The following MAGED2 variants were observed in gnomAD, a reference collection of about 807,000 sequenced individuals.
MAGED2 encodes MAGE family member D2.
A neutral mutation model predicts 41.7 loss-of-function variants in MAGED2; 6 were observed. That is an observed-to-expected ratio of 0.14 (90% CI 0.08 to 0.28). The LOEUF is 0.28. Among genes scored for constraint, MAGED2 ranks in the 10% least tolerant of loss-of-function variants. The pLI, the probability that MAGED2 is intolerant of heterozygous loss-of-function variation, is 1.00. For missense variants in MAGED2, 343 were observed against 486.4 expected, an observed-to-expected ratio of 0.71 and a Z score of 2.77; for synonymous variants, 146 against 178.2, an observed-to-expected ratio of 0.82 and a Z score of 1.44.
intron 11 of MAGED2, among the ~76,000 whole-genome samples, chrX:54,814,980 C>T (rs1379505780): frequency 2.7e-5 from 3 of 111,828 alleles, no homozygotes; most frequent in Non-Finnish European, 3.8e-5. Flanking sequence ...ATGAGAAAAC[C>T]GAGGCCCAGA....
intron 1 of MAGED2, 119 bp from the exon 2 acceptor site, chrX:54,809,184 G>C: frequency 3.9e-6 from 2 of 508,623 alleles, no homozygotes; most frequent in Admixed American, 2.8e-5. Context: ...CGGAGTCGTT[G>C]GGGGTGGTGG....
rs761289074 is a variant in MAGED2, at chrX:54,809,289, C to T, written c.-29-14C>T. On this transcript the variant is annotated splice_polypyrimidine_tract_variant and intron_variant, in intron 1 of 12. Transcript: ENST00000375068. ...CAGTGGGCTTCAACTTGACCCAGGC[C>T]TTCTCCCCTTCAGGCTCAGCTCTTG... The T allele has an allele frequency of 1.4e-5, 17 of 1,199,011 alleles. No individual in the cohort carries two copies. In the Admixed American group the frequency reaches 3.3e-4, roughly 23 times the overall value.
chrX:54,811,538 C>T (rs753237786), intron 5 of MAGED2, 36 bp from the exon 6 acceptor site: 1 of 1,114,722 alleles, frequency 9.0e-7, no homozygotes, highest in Non-Finnish European at 1.2e-6. Flanking sequence ...CCTGGCATCT[C>T]TTCAGTCAGG....
At chrX:54,810,333 AT>A in intron 3 of MAGED2, 120 bp downstream of exon 3, 2 of 451,278 alleles carry the variant, frequency 4.4e-6, no homozygotes, top group Non-Finnish European at 7.3e-6. Context: ...ACTGAGAGTA[AT>A]GTGATGTAAT....
rs761865238 is a variant in MAGED2, at chrX:54,810,967, G to A, written c.684G>A (p.Arg228=). ...SRGPIAFWAR[R]ASRTRLAAWA... ...GTCCCATAGCCTTTTGGGCCCGCAG[G>A]GCATCAAGGACTCGGTTGGCTGCTT... The change falls in exon 4 of 13, where the codon AGG becomes AGA. Residue 228 remains arginine, a synonymous_variant. Coordinates refer to ENST00000375068, the MANE Select transcript of MAGED2 (RefSeq NM_177433.3). 5 of 1,202,975 alleles carry A rather than the reference G, an allele frequency of 4.2e-6. No homozygotes were observed. In the South Asian group the frequency reaches 7.2e-5, roughly 17 times the overall value.
At chrX:54,813,069 T>G (rs1186659033) in intron 8 of MAGED2, 45 bp downstream of exon 8, 2 of 1,211,748 alleles carry the variant, frequency 1.7e-6, no homozygotes, top group East Asian at 3.0e-5. Flanking sequence ...GTGGTCTAGA[T>G]TCCATGTGTT....
chrX:54,810,265 T>C (rs1245228982), intron 3 of MAGED2, 52 bp downstream of exon 3: 1 of 770,120 alleles, frequency 1.3e-6, no homozygotes, highest in African/African-American at 2.1e-5. Context: ...TCTCAGTTGA[T>C]TCATTTGTTC....
intron 10 of MAGED2, among the ~76,000 whole-genome samples, chrX:54,813,973 G>C (rs1367323154): frequency 8.9e-6 from 1 of 112,486 alleles, no homozygotes; most frequent in Non-Finnish European, 1.9e-5. Context: ...ACATAGAATG[G>C]TAGCTTCAGG....
At chrX:54,811,413 GT>G (rs1929799928) in intron 5 of MAGED2, 100 bp downstream of exon 5, 16 of 959,464 alleles carry the variant, frequency 1.7e-5, no homozygotes, top group Non-Finnish European at 2.1e-5. Flanking sequence ...TTATGTCTCT[GT>G]CCTCCCAAAG....
chrX:54,813,318 G>C, intron 9 of MAGED2, 158 bp downstream of exon 9: 1 of 890,829 alleles, frequency 1.1e-6, no homozygotes, highest in Middle Eastern at 3.6e-4. Flanking sequence ...ATGGGTGAAT[G>C]GTCCTGAACT....
chrX:54,813,375 T>C, intron 9 of MAGED2, 113 bp from the exon 10 acceptor site: 7 of 859,918 alleles, frequency 8.1e-6, no homozygotes, highest in Non-Finnish European at 1.2e-5. Context: ...GGAGCTTCCC[T>C]CTTGTGCTGG....
Position 54,811,005 on chromosome X carries a change from C to T in MAGED2, c.722C>T (p.Ala241Val). The change falls in exon 4 of 13, where the codon GCC becomes GTC. Residue 241 changes from alanine (A) to valine (V), a missense_variant. Physicochemically the swap from Ala to Val is moderately conservative, Grantham distance 64. Coordinates refer to ENST00000375068, the MANE Select transcript of MAGED2 (RefSeq NM_177433.3). Reference protein sequence around the residue: ...RTRLAAWARRALLSLRSPKAR... With the variant: ...RTRLAAWARRVLLSLRSPKAR... ...CGGTTGGCTGCTTGGGCCCGGAGAG[C>T]CTTGCTCTCCCTGAGATCACCTAAA... The T allele has an allele frequency of 4.2e-6, 5 of 1,199,526 alleles. No homozygotes were observed. The highest frequency in any genetic ancestry group is 5.6e-6 in the Non-Finnish European group (5 of 888,876).
Position 54,810,811 on chromosome X carries a change from G to A in MAGED2, c.538-10G>A, listed in dbSNP as rs1352107962. 8.7e-7 allele frequency: 1 copy of A among 1,149,772 alleles called. No individual in the cohort carries two copies. The highest frequency in any genetic ancestry group is 1.2e-6 in the Non-Finnish European group (1 of 864,664). The allele number at this position is 1,149,772 out of a possible 1,213,427, so 94.8% of individuals were successfully genotyped here. A position where few individuals can be genotyped will look rare whatever the true frequency, so the allele number is the denominator to read the frequency against. ...TCTGGTGACGTTGAGCTTCCTCTCT[G>A]TTGATGCAGGTGAAGCATCTGGATG... On this transcript the variant is annotated splice_polypyrimidine_tract_variant and intron_variant, in intron 3 of 12. Transcript: ENST00000375068.
chrX:54,811,169 C>T, intron 4 of MAGED2, 40 bp downstream of exon 4: 1 of 1,197,032 alleles, frequency 8.4e-7, no homozygotes, highest in Non-Finnish European at 1.1e-6. Flanking sequence ...TTTCTACTGC[C>T]TTGGCTGTCC....
rs735416 is a variant in MAGED2, at chrX:54,813,731, G to C, written c.1271+181G>C. 0.016 allele frequency among the ~76,000 whole-genome samples: 1,805 copies of C among 112,116 alleles called. 20 individuals are homozygous for C. The highest frequency in any genetic ancestry group is 0.056 in the African/African-American group (1,709 of 30,763). ...GAAACAGGAGCAGCACATGTTTCCT[G>C]ATCTGTTACATATACCTCAACATTT... is the stretch of plus-strand genomic sequence containing the variant. On this transcript the variant is annotated intron_variant, in intron 10 of 12. Coordinates refer to ENST00000375068, the MANE Select transcript of MAGED2 (RefSeq NM_177433.3).
Position 54,813,115 on chromosome X carries a change from C to A in MAGED2, c.1166-3C>A. The A allele has an allele frequency of 8.3e-7, 1 of 1,211,777 alleles. No homozygotes were observed. Among genetic ancestry groups the A allele is most frequent in the Non-Finnish European group, 1.1e-6 (1 of 895,640 alleles). On this transcript the variant is annotated splice_region_variant and splice_polypyrimidine_tract_variant and intron_variant, in intron 8 of 12. Coordinates refer to ENST00000375068, the MANE Select transcript of MAGED2 (RefSeq NM_177433.3). ...CCCTGTCTCCTCTTGCCTCCCCTCG[C>A]AGCTGTCATCTGGGAGGTGCTGCGC...
At chrX:54,813,781 A>C (rs1929879471) in intron 10 of MAGED2, among the ~76,000 whole-genome samples, 1 of 112,008 alleles carries the variant, frequency 8.9e-6, no homozygotes, top group African/African-American at 3.3e-5. Flanking sequence ...TCTGCAAGGG[A>C]GGGATTATCA....
rs1387902118 is a variant in MAGED2, at chrX:54,809,709, C to T, written c.46-13C>T. On this transcript the variant is annotated splice_polypyrimidine_tract_variant and intron_variant, in intron 2 of 12. Transcript: ENST00000375068. The stretch of plus-strand genomic sequence containing the variant: ...AGGAGAAGGTCTATGAACTTCCCTG[C>T]TTCCTCTTGCAGGCTGAAGCTTCAG... The T allele has an allele frequency of 8.4e-7, 1 of 1,188,906 alleles. No individual in the cohort carries two copies.
chrX:54,809,127 C>T, intron 1 of MAGED2, 176 bp from the exon 2 acceptor site: 3 of 433,894 alleles, frequency 6.9e-6, no homozygotes, highest in Non-Finnish European at 1.2e-5. Context: ...GAGGGTGCGG[C>T]TGCAGAGAAT....
Sources: allele counts gnomAD v4.1 joint callset (sites outside exome capture counted in the v4.1 genomes callset), GRCh38; gene constraint gnomAD v4.1.1; transcripts MANE v1.5; gene names NCBI Gene and HGNC (gene_info 2026-07-23, HGNC 2026-07-21).